Variants in CD96 observed in about 807,000 individuals in gnomAD.
CD96 encodes T-cell surface protein tactile.
A neutral mutation model predicts 71.3 loss-of-function variants in CD96; 70 were observed. The ratio of observed to expected loss-of-function variants is 0.98; its 90% confidence interval spans 0.81 to 1.20. CD96 has a LOEUF of 1.20. CD96 is among the 50% of genes most tolerant of loss of function. The pLI, the probability that CD96 is intolerant of heterozygous loss-of-function variation, is 0.00. For synonymous variants in CD96, 248 were observed against 233.0 expected (o/e 1.06, Z -0.59); for missense variants, 742 against 677.5 (o/e 1.10, Z -1.06).
intron 2 of CD96, among the ~76,000 whole-genome samples, chr3:111,564,033 C>A (rs1212357475): frequency 2.0e-5 from 3 of 152,120 alleles, no homozygotes; most frequent in African/African-American, 7.2e-5. Flanking sequence ...GGACTGCTAT[C>A]AAAAAGCTAA....
At chr3:111,620,505 TTAACTC>T (rs1938467356) in intron 8 of CD96, among the ~76,000 whole-genome samples, 1 of 152,186 alleles carries the variant, frequency 6.6e-6, no homozygotes. Flanking sequence ...CTAAAAGACT[TTAACTC>T]TGACTTCTAC....
chr3:111,543,088 A>C (rs1211619106), intron 1 of CD96, among the ~76,000 whole-genome samples: 1 of 152,230 alleles, frequency 6.6e-6, no homozygotes, highest in Non-Finnish European at 1.5e-5. Flanking sequence ...AGGAAGTTAC[A>C]TTAAACTGTA....
intron 10 of CD96, among the ~76,000 whole-genome samples, chr3:111,625,561 G>C (rs573162385): frequency 6.6e-6 from 1 of 151,966 alleles, no homozygotes; most frequent in African/African-American, 2.4e-5. Flanking sequence ...TAGAAATAGT[G>C]ATTATTGATA....
At chr3:111,603,536 G>C (rs1937546674) in intron 7 of CD96, among the ~76,000 whole-genome samples, 1 of 152,158 alleles carries the variant, frequency 6.6e-6, no homozygotes, top group Admixed American at 6.5e-5. Context: ...TGAAGAGCTG[G>C]GTTTTGTGGG....
chr3:111,600,975 A>G (rs1937471472), intron 7 of CD96, 61 bp downstream of exon 7: 2 of 1,040,198 alleles, frequency 1.9e-6, no homozygotes, highest in South Asian at 2.6e-5. Context: ...AATTCAAAAT[A>G]TCTTTAATGG....
chr3:111,608,323 A>G (rs1937729796), intron 8 of CD96, among the ~76,000 whole-genome samples: 1 of 152,210 alleles, frequency 6.6e-6, no homozygotes, highest in Non-Finnish European at 1.5e-5. Flanking sequence ...CCAAAATTGC[A>G]TGTCATTACT....
intron 14 of CD96, among the ~76,000 whole-genome samples, chr3:111,661,099 G>A (rs1940342751): frequency 6.6e-6 from 1 of 152,166 alleles, no homozygotes; most frequent in Admixed American, 6.5e-5. Flanking sequence ...CATGGCAGAA[G>A]GGTGAAGGGG....
At chr3:111,566,001 T>A (rs1197354205) in intron 2 of CD96, among the ~76,000 whole-genome samples, 13 of 149,644 alleles carry the variant, frequency 8.7e-5, no homozygotes, top group Admixed American at 7.4e-4. Flanking sequence ...AAATGTATAC[T>A]GTTATATAGC....
At chr3:111,605,547 G>A (rs541983804) in intron 7 of CD96, among the ~76,000 whole-genome samples, 41 of 152,254 alleles carry the variant, frequency 2.7e-4, no homozygotes, top group African/African-American at 9.6e-4. Context: ...TGAAGAAAAA[G>A]GATGGTCATT....
At chr3:111,544,413 G>A (rs1464690917) in intron 1 of CD96, among the ~76,000 whole-genome samples, 4 of 152,108 alleles carry the variant, frequency 2.6e-5, no homozygotes, top group African/African-American at 7.2e-5. Flanking sequence ...AAAGTGCTGG[G>A]ATTACAGGCG....
Position 111,545,124 on chromosome 3 carries a change from C to T in CD96, c.140C>T (p.Thr47Ile). 1 of 1,614,202 alleles carries T rather than the reference C, an allele frequency of 6.2e-7. No homozygotes were observed. Among genetic ancestry groups the T allele is most frequent in the Non-Finnish European group, 8.5e-7 (1 of 1,180,030 alleles). Residue 47 changes from threonine to isoleucine, a missense_variant, in exon 2 of 14, where the codon ACA (threonine) becomes ATA (isoleucine). Thr to Ile is a moderately conservative substitution (Grantham distance 89). Coordinates refer to ENST00000352690, the MANE Select transcript of CD96 (RefSeq NM_005816.5). Reference protein sequence around the residue: ...LGSDVNLTCQTQTVGFFVQMQ... With the variant: ...LGSDVNLTCQIQTVGFFVQMQ... ...TCTGATGTCAACCTGACCTGCCAAA[C>T]ACAGACAGTAGGCTTCTTCGTGCAG...
In CD96 at chr3:111,623,769, C is replaced by G. The variant is rs199955702; in HGVS notation, c.1196C>G (p.Ser399Cys). 5 of 1,610,006 alleles carry G rather than the reference C, an allele frequency of 3.1e-6. No homozygotes were observed. Among genetic ancestry groups the G allele is most frequent in the Non-Finnish European group, 4.3e-6 (5 of 1,176,212 alleles). Reference protein sequence around the residue: ...SVSPARYPATSSVTLVDVSAL... With the variant: ...SVSPARYPATCSVTLVDVSAL... ...TTCAAAATAGGATATCCAGCTACAT[C>G]TTCAGTGACCCTTGTAGATGTGAGT... Residue 399 changes from serine to cysteine, a missense_variant, in exon 9 of 14, where the codon TCT (serine) becomes TGT (cysteine). Coordinates refer to ENST00000352690, the MANE Select transcript of CD96 (RefSeq NM_005816.5).
intron 2 of CD96, among the ~76,000 whole-genome samples, chr3:111,554,543 C>T (rs914052329): frequency 2.0e-5 from 3 of 152,074 alleles, no homozygotes; most frequent in Non-Finnish European, 4.4e-5. Context: ...CGTATCTCCT[C>T]TAAACCACTC....
In CD96 at chr3:111,624,329, T is replaced by C. The variant is rs1938642701; in HGVS notation, c.1250-4T>C. 1 of 1,602,766 alleles carries C rather than the reference T, an allele frequency of 6.2e-7. No individual in the cohort carries two copies. The highest frequency in any genetic ancestry group is 1.7e-5 in the Admixed American group (1 of 59,984). ...TGGATTCTGAAAATAATTTTGTCTT[T>C]CAGCCAGCAATTCCAGTATGACTAC... On this transcript the variant is annotated splice_region_variant and splice_polypyrimidine_tract_variant and intron_variant, in intron 9 of 13. Coordinates refer to ENST00000352690, the MANE Select transcript of CD96 (RefSeq NM_005816.5).
At chr3:111,581,260 G>A (rs1346157173) in intron 4 of CD96, among the ~76,000 whole-genome samples, 10 of 151,942 alleles carry the variant, frequency 6.6e-5, no homozygotes, top group Admixed American at 6.6e-4. Context: ...AAATTGGCTG[G>A]GCGGGTTGTG....
chr3:111,665,986 ATTTGAAGATACTC>A (rs1297711892), downstream of CD96, among the ~76,000 whole-genome samples: 2 of 152,230 alleles, frequency 1.3e-5, no homozygotes, highest in Admixed American at 6.5e-5. Flanking sequence ...AATAAATACT[ATTTGAAGATACTC>A]TCTGTCCTAT....
chr3:111,574,117 T>C (rs1295723260), intron 3 of CD96, among the ~76,000 whole-genome samples: 1 of 152,142 alleles, frequency 6.6e-6, no homozygotes, highest in African/African-American at 2.4e-5. Context: ...ACAGCAGTTA[T>C]TGAATGAGCT....
rs528295188 is a variant in CD96 at position 111,630,088 on chromosome 3, C to T, written c.1321+5684C>T. 5.3e-5 allele frequency among the ~76,000 whole-genome samples: 8 copies of T among 152,174 alleles called. No individual in the cohort carries two copies. The South Asian group carries it at 1.7e-3, about 32-fold the overall frequency. On this transcript the variant is annotated intron_variant, in intron 10 of 13. Coordinates refer to ENST00000352690, the MANE Select transcript of CD96 (RefSeq NM_005816.5). Reference sequence around the variant, plus strand: ...AAAATCTCAAGTTAACAACTAACATCACAACTAAAAGAACTAGAGAACCAG... The same window carrying T: ...AAAATCTCAAGTTAACAACTAACATTACAACTAAAAGAACTAGAGAACCAG...
At chr3:111,599,397 A>G (rs11715336) in intron 6 of CD96, among the ~76,000 whole-genome samples, 1 of 152,204 alleles carries the variant, frequency 6.6e-6, no homozygotes, top group Non-Finnish European at 1.5e-5. Flanking sequence ...CACAACAATG[A>G]CAGAATGCAA....
Sources: gnomAD v4.1 joint callset for allele counts (sites outside exome capture counted in the v4.1 genomes callset) on GRCh38, gnomAD v4.1.1 for gene constraint, MANE v1.5 for transcripts, NCBI Gene and HGNC (gene_info 2026-07-23, HGNC 2026-07-21) for gene names.